Variants in ATRNL1 observed in about 807,000 individuals in gnomAD.
The protein encoded by ATRNL1 is attractin-like protein 1.
Under a neutral mutation model 182.7 loss-of-function variants are expected in ATRNL1, and 95 were observed. The ratio of observed to expected loss-of-function variants is 0.52; its 90% CI spans 0.44 to 0.62. The LOEUF (loss-of-function observed/expected upper bound fraction) is 0.62, where lower values mean the gene tolerates loss of function less well. Among genes scored for constraint, ATRNL1 ranks in the 20% least tolerant of loss-of-function variants. ATRNL1 has a pLI of 0.00. For synonymous variants in ATRNL1, 576 were observed against 568.3 expected (o/e 1.01, Z -0.19); for missense variants, 1,471 against 1,679.5 (o/e 0.88, Z 2.17).
chr10:115,666,591 C>T (rs1429286439), intron 26 of ATRNL1, among the ~76,000 whole-genome samples: 1 of 151,952 alleles, frequency 6.6e-6, no homozygotes, highest in African/African-American at 2.4e-5. Context: ...ATTTTTTCCC[C>T]AAAAAGATAT....
intron 21 of ATRNL1, among the ~76,000 whole-genome samples, chr10:115,437,188 A>G (rs1846442860): frequency 6.6e-6 from 1 of 152,102 alleles, no homozygotes; most frequent in Non-Finnish European, 1.5e-5. Context: ...TTGAGTTACT[A>G]AAAGAAAACC....
At chr10:115,292,640 G>A (rs1304734996) in intron 15 of ATRNL1, among the ~76,000 whole-genome samples, 4 of 151,732 alleles carry the variant, frequency 2.6e-5, no homozygotes, top group Admixed American at 6.6e-5. Context: ...GGACTATATT[G>A]TTTAATTTCC....
intron 19 of ATRNL1, among the ~76,000 whole-genome samples, chr10:115,370,052 A>T (rs1031906117): frequency 5.3e-5 from 8 of 152,080 alleles, no homozygotes; most frequent in African/African-American, 1.9e-4. Context: ...GTCTCCCAAG[A>T]TCTGATGGTT....
At chr10:115,467,092 G>A in intron 22 of ATRNL1, 82 bp from the exon 23 acceptor site, 4 of 754,304 alleles carry the variant, frequency 5.3e-6, no homozygotes, top group Non-Finnish European at 6.9e-6. Context: ...GAATAAAACA[G>A]ACATAATTAA....
chr10:115,473,260 G>A (rs782401231), intron 24 of ATRNL1, among the ~76,000 whole-genome samples: 11 of 151,188 alleles, frequency 7.3e-5, no homozygotes, highest in Non-Finnish European at 1.3e-4. Context: ...GCATTTTGTT[G>A]AGGATATTTG....
At chr10:115,379,032 GT>G (rs200009361) in intron 19 of ATRNL1, among the ~76,000 whole-genome samples, 4 of 150,294 alleles carry the variant, frequency 2.7e-5, no homozygotes, top group Non-Finnish European at 5.9e-5. Context: ...TTTCTAAAGT[GT>G]TTTTTTTTAT....
At chr10:115,327,629 A>G (rs4498892) in intron 18 of ATRNL1, among the ~76,000 whole-genome samples, 31,716 of 148,890 alleles carry the variant, frequency 0.21, 4,066 homozygotes, top group Non-Finnish European at 0.31. Context: ...ATAAAGACAC[A>G]TGCACACGTA....
chr10:115,682,644 T>C (rs1479820898), intron 26 of ATRNL1, among the ~76,000 whole-genome samples: 1 of 151,990 alleles, frequency 6.6e-6, no homozygotes, highest in Admixed American at 6.6e-5. Flanking sequence ...GCCCATTTTA[T>C]AGTAAACACT....
At chr10:115,444,132 G>A (rs1156768114) in intron 21 of ATRNL1, among the ~76,000 whole-genome samples, 1 of 152,090 alleles carries the variant, frequency 6.6e-6, no homozygotes, top group African/African-American at 2.4e-5. Context: ...TTTTACAGAT[G>A]ATATAATTGT....
Position 115,884,717 on chromosome 10 carries a change from T to C in ATRNL1, c.4018+36726T>C, listed in dbSNP as rs572928968. Among the ~76,000 whole-genome samples the C allele has an allele frequency of 3.9e-5, 6 of 152,278 alleles. No individual in the cohort carries two copies. The East Asian group carries it at 1.2e-3, about 29-fold the overall frequency. The stretch of plus-strand genomic sequence containing the variant: ...TTGATGGACTTGGCTTCTTCAGGCA[T>C]TTCGTACTTAGCTACGCATCACATG... On this transcript the variant is annotated intron_variant, in intron 28 of 28. Coordinates refer to ENST00000355044, the MANE Select transcript of ATRNL1 (RefSeq NM_207303.4).
At chr10:115,373,037 A>G (rs1005780263) in intron 19 of ATRNL1, among the ~76,000 whole-genome samples, 5 of 152,098 alleles carry the variant, frequency 3.3e-5, no homozygotes, top group Non-Finnish European at 7.4e-5. Flanking sequence ...GTCCTGTTCA[A>G]CTTTTTTCAT....
chr10:115,294,081 C>G (rs114150989), intron 15 of ATRNL1, among the ~76,000 whole-genome samples: 1,786 of 152,230 alleles, frequency 0.012, 34 homozygotes, highest in African/African-American at 0.04. Context: ...TTTTGTAGTT[C>G]CTATAATACA....
At chr10:115,147,023 A>C (rs1266663938) in intron 5 of ATRNL1, among the ~76,000 whole-genome samples, 1 of 152,016 alleles carries the variant, frequency 6.6e-6, no homozygotes, top group African/African-American at 2.4e-5. Flanking sequence ...TGATAGTTCT[A>C]TTTTAAGTTT....
chr10:115,127,564 A>C (rs782543526), intron 3 of ATRNL1, 29 bp from the exon 4 acceptor site: 5 of 1,581,458 alleles, frequency 3.2e-6, no homozygotes, highest in Admixed American at 3.5e-5. Context: ...ATATCTATAC[A>C]TACAATATTC....
At position 115,268,367 on chromosome 10, in the gene ATRNL1, A is replaced by C; in HGVS notation, c.2023A>C (p.Ser675Arg). 6.2e-7 allele frequency: 1 copy of C among 1,613,804 alleles called. No homozygotes were observed. The highest frequency in any genetic ancestry group is 8.5e-7 in the Non-Finnish European group (1 of 1,179,806). The change falls in exon 13 of 29, where the codon AGC becomes CGC. Residue 675 changes from serine (S) to arginine (R), a missense_variant. Transcript: ENST00000355044. ...DRCYRYADCA[S>R]CTANTNGCQW... ...ATGTTACAGATATGCAGATTGTGCC[A>C]GCTGTACTGCCAATACAAATGGGTG...
At chr10:115,274,541 T>C (rs183162787) in intron 13 of ATRNL1, among the ~76,000 whole-genome samples, 1 of 152,288 alleles carries the variant, frequency 6.6e-6, no homozygotes, top group East Asian at 1.9e-4. Context: ...ACACCAAATA[T>C]CTTGCCAGTA....
chr10:115,296,936 A>G (rs967556975), intron 15 of ATRNL1, among the ~76,000 whole-genome samples: 4 of 152,212 alleles, frequency 2.6e-5, no homozygotes, highest in Non-Finnish European at 2.9e-5. Flanking sequence ...AACAAACACA[A>G]TTCTACTGAA....
chr10:115,422,244 A>G lies in ATRNL1; in HGVS notation c.3270-4006A>G, dbSNP rs192269742. On this transcript the variant is annotated intron_variant, in intron 20 of 28. Coordinates refer to ENST00000355044, the MANE Select transcript of ATRNL1 (RefSeq NM_207303.4). ...GCATGGCAAACAAAACTACCAGCAG[A>G]GTAAACAGACACCTTACAAAATAGG... 3.9e-5 allele frequency among the ~76,000 whole-genome samples: 6 copies of G among 152,354 alleles called. No individual in the cohort carries two copies. The East Asian group carries it at 9.6e-4, about 25-fold the overall frequency.
chr10:115,342,918 A>G lies in ATRNL1; in HGVS notation c.3175+8499A>G, dbSNP rs1031312756. Among the ~76,000 whole-genome samples the G allele has an allele frequency of 2.1e-4, 32 of 152,116 alleles. 1 individual carries two copies. The highest frequency in any genetic ancestry group is 7.0e-4 in the African/African-American group (29 of 41,422). On this transcript the variant is annotated intron_variant, in intron 19 of 28. Coordinates refer to ENST00000355044, the MANE Select transcript of ATRNL1 (RefSeq NM_207303.4). ...TCAAATGTAAAAGTTGTTTTCCTTC[A>G]GCACTTTAAATATGTCATGCCATTG...
Sources: allele counts gnomAD v4.1 joint callset (sites outside exome capture counted in the v4.1 genomes callset), GRCh38; gene constraint gnomAD v4.1.1; transcripts MANE v1.5; gene names NCBI Gene and HGNC (gene_info 2026-07-23, HGNC 2026-07-21).